The following LRRC37A variants were observed in gnomAD, a reference collection of about 807,000 sequenced individuals.
LRRC37A encodes the protein leucine-rich repeat-containing protein 37A.
LRRC37A carries 3 observed loss-of-function variants against 35.4 expected under a neutral mutation model. The observed-to-expected ratio is 0.08, with a 90% CI of 0.04 to 0.22. The LOEUF (loss-of-function observed/expected upper bound fraction) is 0.22. Among genes scored for constraint, LRRC37A ranks in the 10% least tolerant of loss-of-function variants. The pLI, the probability that LRRC37A is intolerant of heterozygous loss-of-function variation, is 1.00. For missense variants in LRRC37A, 67 were observed against 565.3 expected, an observed-to-expected ratio of 0.12 and a Z score of 8.94; for synonymous variants, 23 against 215.0, an observed-to-expected ratio of 0.11 and a Z score of 7.81.
At chr17:46,267,931 C>T in the LRRC37A span, among the ~76,000 whole-genome samples, 1,012 of 123,128 alleles carry the variant, frequency 8.2e-3, 1 homozygote, top group Middle Eastern at 0.025. Flanking sequence ...GACAGAGTCT[C>T]GCTCTGTTGC....
upstream of LRRC37A, among the ~76,000 whole-genome samples, chr17:46,292,130 A>G: frequency 7.3e-6 from 1 of 136,684 alleles, no homozygotes; most frequent in African/African-American, 2.7e-5. Flanking sequence ...TCAGGAGTTC[A>G]AGACCAGCTT....
intron 5 of LRRC37A, among the ~76,000 whole-genome samples, chr17:46,317,156 C>T (rs1313207623): frequency 3.4e-5 from 3 of 89,456 alleles, no homozygotes; most frequent in South Asian, 4.4e-4. Flanking sequence ...GGCGGCCGGG[C>T]AGAGGCGCTC....
chr17:46,286,927 T>C, the LRRC37A span, among the ~76,000 whole-genome samples: 1 of 152,226 alleles, frequency 6.6e-6, no homozygotes, highest in Admixed American at 6.5e-5. Context: ...ACATTCTCCA[T>C]AATAGCAGTT....
the LRRC37A span, chr17:46,267,602 C>T: frequency 1.3e-6 from 2 of 1,585,416 alleles, no homozygotes; most frequent in Non-Finnish European, 1.7e-6. Context: ...GGCTGTGGGT[C>T]GTCCAGTCTT....
At chr17:46,267,080 G>A in the LRRC37A span, 1 of 338,956 alleles carries the variant, frequency 3.0e-6, no homozygotes, top group Non-Finnish European at 5.1e-6. Flanking sequence ...CGCGGAGCCC[G>A]GCGCCGAGCT....
At chr17:46,274,515 T>G in the LRRC37A span, among the ~76,000 whole-genome samples, 25 of 152,218 alleles carry the variant, frequency 1.6e-4, no homozygotes, top group Admixed American at 3.9e-4. Context: ...AGAAAAGACA[T>G]CTAGAGGTTG....
chr17:46,253,477 G>A, the LRRC37A span, among the ~76,000 whole-genome samples: 2 of 152,112 alleles, frequency 1.3e-5, no homozygotes, highest in South Asian at 2.1e-4. Flanking sequence ...CTGAGTGAAC[G>A]AGACTCCGTC....
At chr17:46,250,957 T>C in the LRRC37A span, among the ~76,000 whole-genome samples, 1 of 152,168 alleles carries the variant, frequency 6.6e-6, no homozygotes, top group Non-Finnish European at 1.5e-5. Context: ...AGGTTCTCCC[T>C]CTGTTGCCAA....
chr17:46,251,728 C>T, the LRRC37A span, among the ~76,000 whole-genome samples: 20 of 150,566 alleles, frequency 1.3e-4, no homozygotes, highest in African/African-American at 4.9e-4. Context: ...TATCCATTAT[C>T]CCTGTTTTTA....
intron 10 of LRRC37A, 95 bp downstream of exon 10, chr17:46,332,751 CTGCT>C: frequency 4.4e-6 from 2 of 452,356 alleles, no homozygotes; most frequent in South Asian, 3.7e-5. Flanking sequence ...ACTTTCCCAC[CTGCT>C]GCTACTTGAC....
chr17:46,304,814 G>A (rs908993222), intron 3 of LRRC37A, among the ~76,000 whole-genome samples: 1 of 57,694 alleles, frequency 1.7e-5, no homozygotes, highest in African/African-American at 3.9e-5. Flanking sequence ...ATATTGAAGT[G>A]GCTTAGGAAA....
the LRRC37A span, among the ~76,000 whole-genome samples, chr17:46,257,584 A>T: frequency 0.034 from 5,104 of 151,714 alleles, 298 homozygotes; most frequent in African/African-American, 0.12. Context: ...GAGCCTGAAG[A>T]GGGAGGATTA....
At chr17:46,254,867 T>C in the LRRC37A span, among the ~76,000 whole-genome samples, 2 of 148,620 alleles carry the variant, frequency 1.3e-5, no homozygotes, top group African/African-American at 5.0e-5. Context: ...TCTGACAGAG[T>C]CTCTGTCACC....
At chr17:46,259,053 T>TTTTTC in the LRRC37A span, among the ~76,000 whole-genome samples, 1 of 135,142 alleles carries the variant, frequency 7.4e-6, no homozygotes, top group African/African-American at 3.0e-5. Flanking sequence ...TTTTTTTTTT[T>TTTTTC]ACTAACCAGG....
intron 7 of LRRC37A, among the ~76,000 whole-genome samples, chr17:46,327,881 C>T (rs1272826865): frequency 2.3e-5 from 1 of 42,690 alleles, no homozygotes; most frequent in East Asian, 3.9e-4. Flanking sequence ...TATGTGGTAA[C>T]TTATTGTTGT....
At chr17:46,252,436 G>C in the LRRC37A span, among the ~76,000 whole-genome samples, 6 of 145,570 alleles carry the variant, frequency 4.1e-5, no homozygotes, top group African/African-American at 1.2e-4. Context: ...GGATTTGGCA[G>C]GGTCATAGGA....
chr17:46,253,825 T>C, the LRRC37A span, among the ~76,000 whole-genome samples: 3 of 152,070 alleles, frequency 2.0e-5, no homozygotes, highest in African/African-American at 4.8e-5. Flanking sequence ...AAACCCAATT[T>C]CCTCTTTAGT....
the LRRC37A span, among the ~76,000 whole-genome samples, chr17:46,265,246 T>TTTCTTCTTC: frequency 1.2e-3 from 163 of 139,002 alleles, no homozygotes; most frequent in East Asian, 2.8e-3. Context: ...ACAAATTTCC[T>TTTCTTCTTC]TTCTTCTTCT....
At chr17:46,291,120 A>C (rs2050053634), upstream of LRRC37A, among the ~76,000 whole-genome samples, 1 of 152,258 alleles carries the variant, frequency 6.6e-6, no homozygotes, top group Non-Finnish European at 1.5e-5. Flanking sequence ...TTCTCTATTT[A>C]TAGAGAGAGA....
Sources: allele counts gnomAD v4.1 joint callset (sites outside exome capture counted in the v4.1 genomes callset), GRCh38; gene constraint gnomAD v4.1.1; transcripts MANE v1.5; gene names NCBI Gene and HGNC (gene_info 2026-07-23, HGNC 2026-07-21).